Variants in ATP2C1 observed in about 807,000 individuals in gnomAD.
The protein encoded by ATP2C1 is calcium-transporting ATPase type 2C member 1.
A neutral mutation model predicts 120.5 loss-of-function variants in ATP2C1; 31 were observed. That is an observed-to-expected ratio of 0.26 (90% CI 0.19 to 0.35). ATP2C1 has a LOEUF of 0.35. Among genes scored for constraint, ATP2C1 ranks in the 10% least tolerant of loss-of-function variants. The probability of loss-of-function intolerance (pLI) is 1.00; values close to 1 mark genes in which losing one functional copy is unlikely to be tolerated. For missense variants in ATP2C1, 731 were observed against 1,107.5 expected (o/e 0.66, Z 4.83); for synonymous variants, 351 against 358.7 (o/e 0.98, Z 0.24).
chr3:130,999,683 A>G (rs772377124), intron 27 of ATP2C1, 24 bp downstream of exon 27: 7 of 1,590,160 alleles, frequency 4.4e-6, no homozygotes, highest in Non-Finnish European at 6.0e-6. Flanking sequence ...TATCTTTATC[A>G]TTTATGTATT....
intron 18 of ATP2C1, among the ~76,000 whole-genome samples, chr3:130,978,504 T>A (rs1157501845): frequency 6.6e-6 from 1 of 152,096 alleles, no homozygotes; most frequent in East Asian, 1.9e-4. Context: ...TAAATGATAT[T>A]TGGGAAATGA....
chr3:130,954,033 A>G, intron 9 of ATP2C1, 57 bp downstream of exon 9: 1 of 1,590,732 alleles, frequency 6.3e-7, no homozygotes. Context: ...CTATTTTCTC[A>G]ATTATTTTTT....
At chr3:130,874,661 TTGTTAGCTTAATTATGTATTAAA>T (rs1223577923) in intron 1 of ATP2C1, among the ~76,000 whole-genome samples, 1 of 152,218 alleles carries the variant, frequency 6.6e-6, no homozygotes, top group African/African-American at 2.4e-5. Context: ...GTTGGTTTAT[TTGTTAGCTTAATTATGTATTAAA>T]GGACTTGGCT....
At chr3:130,929,024 T>C (rs1435515409) in intron 2 of ATP2C1, among the ~76,000 whole-genome samples, 1 of 152,212 alleles carries the variant, frequency 6.6e-6, no homozygotes, top group Non-Finnish European at 1.5e-5. Context: ...CTAAAACATG[T>C]GTGTAGCTTT....
chr3:130,869,803 G>C (rs2068371458), intron 1 of ATP2C1, among the ~76,000 whole-genome samples: 1 of 152,166 alleles, frequency 6.6e-6, no homozygotes, highest in African/African-American at 2.4e-5. Context: ...TGGTTCTTGA[G>C]GTTTAAGGAA....
At chr3:130,859,170 C>T (rs557124513) in intron 1 of ATP2C1, among the ~76,000 whole-genome samples, 2 of 152,230 alleles carry the variant, frequency 1.3e-5, no homozygotes, top group South Asian at 4.1e-4. Context: ...GGGCAGAGGG[C>T]ATAGATGTGT....
chr3:130,851,383 T>C (rs1218294907), intron 1 of ATP2C1, among the ~76,000 whole-genome samples: 1 of 152,202 alleles, frequency 6.6e-6, no homozygotes, highest in Admixed American at 6.5e-5. Context: ...AAACAGATCA[T>C]TAACAAGCTA....
intron 26 of ATP2C1, among the ~76,000 whole-genome samples, chr3:131,013,334 A>C (rs964112233): frequency 2.6e-5 from 4 of 152,240 alleles, no homozygotes; most frequent in Admixed American, 2.6e-4. Context: ...TCATTAAAAA[A>C]TGCTGGGTAT....
At chr3:130,943,158 A>G (rs1042867267) in intron 8 of ATP2C1, among the ~76,000 whole-genome samples, 2 of 152,254 alleles carry the variant, frequency 1.3e-5, no homozygotes, top group African/African-American at 4.8e-5. Flanking sequence ...AAAACCTGTC[A>G]GTATAGATTA....
intron 12 of ATP2C1, among the ~76,000 whole-genome samples, chr3:130,962,746 A>G (rs1026381509): frequency 3.3e-5 from 5 of 150,480 alleles, no homozygotes; most frequent in Non-Finnish European, 5.9e-5. Flanking sequence ...AAGAAAAAAG[A>G]AAAAAAAGGA....
At chr3:130,950,695 C>A (rs1477247374) in intron 8 of ATP2C1, among the ~76,000 whole-genome samples, 1 of 152,002 alleles carries the variant, frequency 6.6e-6, no homozygotes, top group Non-Finnish European at 1.5e-5. Flanking sequence ...GTTTTAGTTG[C>A]AAATTTATAA....
At position 131,001,693 on chromosome 3, in the gene ATP2C1, T is replaced by C. The variant is rs777719092; in HGVS notation, c.*343T>C. On this transcript the variant is annotated 3_prime_UTR_variant, in exon 28 of 28. Coordinates refer to ENST00000510168, the MANE Select transcript of ATP2C1 (RefSeq NM_001378687.1). ...CACTATCTATCTTAGATAGATATATTTTTTTTTATTTTTAAATATTGTACT... is the reference window on the plus strand; with the variant it reads ...CACTATCTATCTTAGATAGATATATCTTTTTTTATTTTTAAATATTGTACT... 1.0e-6 allele frequency: 1 copy of C among 968,908 alleles called. No individual in the cohort carries two copies. The highest frequency in any genetic ancestry group is 1.2e-6 in the Non-Finnish European group (1 of 815,408). The allele number at this position is 968,908 out of a possible 1,614,324, so 60.0% of individuals were successfully genotyped here. A position where few individuals can be genotyped will look rare whatever the true frequency, so the allele number is the denominator to read the frequency against.
At chr3:130,888,088 G>T (rs893205771) in intron 1 of ATP2C1, among the ~76,000 whole-genome samples, 1 of 151,954 alleles carries the variant, frequency 6.6e-6, no homozygotes, top group Non-Finnish European at 1.5e-5. Context: ...TCGAGGCAGC[G>T]GTTTACCTTT....
chr3:130,945,383 A>G (rs980967404), intron 8 of ATP2C1, among the ~76,000 whole-genome samples: 2 of 151,966 alleles, frequency 1.3e-5, no homozygotes, highest in African/African-American at 4.8e-5. Flanking sequence ...TTTTATTATT[A>G]TACTTTGTTT....
chr3:131,009,313 A>T (rs2063227536), intron 26 of ATP2C1, among the ~76,000 whole-genome samples: 1 of 152,238 alleles, frequency 6.6e-6, no homozygotes, highest in Non-Finnish European at 1.5e-5. Context: ...GTTCCCACAG[A>T]TACCAAAAGG....
At chr3:130,995,901 TCC>T (rs2062598639) in intron 22 of ATP2C1, 140 bp from the exon 23 acceptor site, 4 of 649,814 alleles carry the variant, frequency 6.2e-6, no homozygotes. Context: ...AGTTTCGGCC[TCC>T]CAGTGTGCTG....
At chr3:130,996,938 G>T (rs2062649278) in intron 24 of ATP2C1, 142 bp downstream of exon 24, 5 of 711,116 alleles carry the variant, frequency 7.0e-6, no homozygotes, top group South Asian at 4.8e-5. Flanking sequence ...ATTGTGTGAT[G>T]TGTGTATTTT....
rs776729199 is a variant in ATP2C1, at chr3:130,999,567, A to C, written c.2537A>C (p.Tyr846Ser). 1.2e-6 allele frequency: 2 copies of C among 1,613,578 alleles called. No homozygotes were observed. Among genetic ancestry groups the C allele is most frequent in the Admixed American group, 1.7e-5 (1 of 59,994 alleles). Residue 846 changes from tyrosine (Y) to serine (S), a missense_variant, in exon 27 of 28, where the codon TAT becomes TCT. Tyr to Ser is a moderately radical substitution (Grantham distance 144). Coordinates refer to ENST00000510168, the MANE Select transcript of ATP2C1 (RefSeq NM_001378687.1). ...CTCTGCAGTAATAGAATGTTTTGCT[A>C]TGCAGTTCTTGGATCCATCATGGGA... ...IGLCSNRMFC[Y>S]AVLGSIMGQL...
chr3:130,859,362 G>A (rs1009532943), intron 1 of ATP2C1, among the ~76,000 whole-genome samples: 1 of 152,224 alleles, frequency 6.6e-6, no homozygotes, highest in African/African-American at 2.4e-5. Flanking sequence ...GAAGAGCTAT[G>A]TACCTGTGAC....
Sources: gnomAD v4.1 joint callset for allele counts (sites outside exome capture counted in the v4.1 genomes callset) on GRCh38, gnomAD v4.1.1 for gene constraint, MANE v1.5 for transcripts, NCBI Gene and HGNC (gene_info 2026-07-23, HGNC 2026-07-21) for gene names.